The following RAI1 variants were observed in gnomAD, a reference collection of about 807,000 sequenced individuals.
The protein encoded by RAI1 is retinoic acid-induced protein 1.
Under a neutral mutation model 123.8 loss-of-function variants are expected in RAI1, and 9 were observed. The observed-to-expected ratio is 0.07, with a 90% CI of 0.04 to 0.13. The LOEUF (loss-of-function observed/expected upper bound fraction) is 0.13, where lower values mean the gene tolerates loss of function less well. RAI1 is among the 10% of genes least tolerant of loss of function. The pLI is 1.00. For missense variants in RAI1, 2,256 were observed against 2,545.8 expected, an observed-to-expected ratio of 0.89 and a Z score of 2.45; for synonymous variants, 1,231 against 1,127.3, an observed-to-expected ratio of 1.09 and a Z score of -1.84.
chr17:17,752,673 G>A (rs866614308), intron 2 of RAI1, among the ~76,000 whole-genome samples: 1 of 152,158 alleles, frequency 6.6e-6, no homozygotes, highest in Non-Finnish European at 1.5e-5. Context: ...ACGTGTCCCC[G>A]GGGGCCGACC....
At chr17:17,722,993 C>T (rs2142927623) in intron 1 of RAI1, among the ~76,000 whole-genome samples, 1 of 152,322 alleles carries the variant, frequency 6.6e-6, no homozygotes, top group East Asian at 1.9e-4. Flanking sequence ...CACGCAGATC[C>T]AGCCACACAC....
intron 3 of RAI1, 74 bp downstream of exon 3, chr17:17,798,587 C>T: frequency 6.3e-7 from 1 of 1,575,346 alleles, no homozygotes; most frequent in African/African-American, 1.3e-5. Context: ...CGGGGAGCCC[C>T]TTGTTTCTAG....
chr17:17,752,696 A>G (rs1209568444), intron 2 of RAI1, among the ~76,000 whole-genome samples: 1 of 152,104 alleles, frequency 6.6e-6, no homozygotes, highest in Non-Finnish European at 1.5e-5. Flanking sequence ...CTTACTTGCC[A>G]CGCTGGCCCC....
At chr17:17,767,263 T>C (rs2142994049) in intron 2 of RAI1, among the ~76,000 whole-genome samples, 1 of 152,266 alleles carries the variant, frequency 6.6e-6, no homozygotes, top group East Asian at 1.9e-4. Context: ...CCAGAATTAT[T>C]GTGTTATGCT....
intron 3 of RAI1, among the ~76,000 whole-genome samples, chr17:17,798,867 C>T (rs1005048361): frequency 6.6e-6 from 1 of 152,194 alleles, no homozygotes; most frequent in African/African-American, 2.4e-5. Context: ...CCAGAGAACA[C>T]GAGGACTCCC....
chr17:17,722,211 AGATG>A (rs1168904538), intron 1 of RAI1, among the ~76,000 whole-genome samples: 1 of 152,138 alleles, frequency 6.6e-6, no homozygotes, highest in Non-Finnish European at 1.5e-5. Context: ...TAACTCCGGT[AGATG>A]GATGGACACG....
In RAI1 at chr17:17,799,869, C is replaced by T. The variant is rs1016688481; in HGVS notation, c.5565+1356C>T. Among the ~76,000 whole-genome samples, 8 of 152,190 alleles carry T rather than the reference C, an allele frequency of 5.3e-5. No homozygotes were observed. Among genetic ancestry groups the T allele is most frequent in the African/African-American group, 1.4e-4 (6 of 41,446 alleles). ...AGCAGCCCCTGCTCCTGACAGTTGC[C>T]GTGGCATTGCCTGGCCAAACCAAGG... On this transcript the variant is annotated intron_variant, in intron 3 of 5. Coordinates refer to ENST00000353383, the MANE Select transcript of RAI1 (RefSeq NM_030665.4). The surrounding 1 kb of genome is among the most constrained non-coding windows in gnomAD (Gnocchi z 4.5).
intron 2 of RAI1, among the ~76,000 whole-genome samples, chr17:17,756,177 G>A (rs182556622): frequency 2.1e-3 from 316 of 152,260 alleles, no homozygotes; most frequent in African/African-American, 7.5e-3. Context: ...GGGGTGCCTG[G>A]CCACAGCAGG....
At chr17:17,715,969 A>T (rs1477465003) in intron 1 of RAI1, among the ~76,000 whole-genome samples, 3 of 152,236 alleles carry the variant, frequency 2.0e-5, no homozygotes, top group African/African-American at 7.2e-5. Context: ...CATTTTGCAG[A>T]TGACAAACTA....
rs1032213587 is a variant in RAI1, at chr17:17,685,143, C to T, written c.-149+3350C>T. On this transcript the variant is annotated intron_variant, in intron 1 of 5. Coordinates refer to ENST00000353383, the MANE Select transcript of RAI1 (RefSeq NM_030665.4). The surrounding 1 kb of genome is among the most constrained non-coding windows in gnomAD (Gnocchi z 4.0). ...CTGCCTGTGGCCATGGCATGGGTGT[C>T]TTTTTCCTCCCCTATCCAACGTGTG... 1 of 152,250 alleles carries T rather than the reference C, an allele frequency of 6.6e-6. No homozygotes were observed. The highest frequency in any genetic ancestry group is 1.5e-5 in the Non-Finnish European group (1 of 68,058). The allele number at this position is 152,250 out of a possible 1,614,324, so 9.4% of individuals were successfully genotyped here.
chr17:17,797,731 T>G lies in RAI1; in HGVS notation c.4783T>G (p.Phe1595Val). The G allele has an allele frequency of 6.2e-7, 1 of 1,613,886 alleles. No individual in the cohort carries two copies. The highest frequency in any genetic ancestry group is 8.5e-7 in the Non-Finnish European group (1 of 1,179,902). ...GAGGTCAGACAGCCGGACCCCCGCC[T>G]TCTCACCCTTCGTGCGGGTGGAGAA... The part of the protein sequence containing the change: ...RLRSDSRTPA[F>V]SPFVRVEKRD... Residue 1595 changes from phenylalanine (F) to valine (V), a missense_variant, in exon 3 of 6, where the codon TTC becomes GTC. Phe to Val is a conservative substitution (Grantham distance 50). Transcript: ENST00000353383.
intron 1 of RAI1, among the ~76,000 whole-genome samples, chr17:17,696,885 C>T (rs748677427): frequency 4.6e-5 from 7 of 152,210 alleles, no homozygotes; most frequent in South Asian, 2.1e-4. Context: ...CACTCAGACC[C>T]GAGGCCCCTT....
At chr17:17,765,127 C>A (rs1023557339) in intron 2 of RAI1, among the ~76,000 whole-genome samples, 1 of 152,240 alleles carries the variant, frequency 6.6e-6, no homozygotes, top group African/African-American at 2.4e-5. Context: ...CATAGCAAGA[C>A]CTCATCTCTC....
At position 17,799,796 on chromosome 17, in the gene RAI1, G is replaced by A. The variant is rs1003114581; in HGVS notation, c.5565+1283G>A. 1.5e-4 allele frequency among the ~76,000 whole-genome samples: 22 copies of A among 150,730 alleles called. No homozygotes were observed. Among genetic ancestry groups the A allele is most frequent in the Admixed American group, 9.2e-4 (14 of 15,174 alleles). On this transcript the variant is annotated intron_variant, in intron 3 of 5. Coordinates refer to ENST00000353383, the MANE Select transcript of RAI1 (RefSeq NM_030665.4). The surrounding 1 kb of genome is among the most constrained non-coding windows in gnomAD (Gnocchi z 4.5). ...CCCCTGCCCAGCCTCCTCCCCCGTC[G>A]CTGCACTGCCCACCTGCTCCTCGCA... is the stretch of plus-strand genomic sequence containing the variant.
At chr17:17,772,901 G>A (rs1376087779) in intron 2 of RAI1, among the ~76,000 whole-genome samples, 1 of 152,290 alleles carries the variant, frequency 6.6e-6, no homozygotes, top group South Asian at 2.1e-4. Flanking sequence ...GTGCAAGGGT[G>A]GATGGGCAGG....
chr17:17,711,000 C>T (rs1264264257), intron 1 of RAI1, among the ~76,000 whole-genome samples: 3 of 152,186 alleles, frequency 2.0e-5, no homozygotes, highest in Non-Finnish European at 2.9e-5. Context: ...GCCTCCTCCC[C>T]CTCCCCTGCT....
intron 3 of RAI1, among the ~76,000 whole-genome samples, chr17:17,802,649 ACCTGTAGTCCCAGCTACTGGGGAGG>A (rs1216282263): frequency 1.3e-5 from 2 of 152,022 alleles, no homozygotes; most frequent in Non-Finnish European, 2.9e-5. Flanking sequence ...GGTGGCGGGC[ACCTGTAGTCCCAGCTACTGGGGAGG>A]CTGAGGCAGG....
rs115534376 is a variant in RAI1 at position 17,744,980 on chromosome 17, A to G, written c.-17+20821A>G. ...CTGTGTGCTGAACCCCGAGGATTTC[A>G]GACCTTGAGCCCTGCTGTTAGGGGC... is the stretch of plus-strand genomic sequence containing the variant. On this transcript the variant is annotated intron_variant, in intron 2 of 5. Transcript: ENST00000353383. 3.4e-3 allele frequency among the ~76,000 whole-genome samples: 524 copies of G among 152,230 alleles called. 3 individuals are homozygous for G. The highest frequency in any genetic ancestry group is 0.012 in the African/African-American group (501 of 41,530).
intron 2 of RAI1, among the ~76,000 whole-genome samples, chr17:17,786,114 T>C (rs1013446697): frequency 1.3e-5 from 2 of 152,118 alleles, no homozygotes; most frequent in African/African-American, 2.4e-5. Flanking sequence ...GGGCTGCTGC[T>C]GCCCCTCCCC....
Sources: gnomAD v4.1 joint callset for allele counts (sites outside exome capture counted in the v4.1 genomes callset) on GRCh38, gnomAD v4.1.1 for gene constraint, Gnocchi (gnomAD v3.1) non-coding constraint, MANE v1.5 for transcripts, NCBI Gene and HGNC (gene_info 2026-07-23, HGNC 2026-07-21) for gene names.